Variants in GRK5 observed in about 807,000 individuals in gnomAD.
The protein encoded by GRK5 is g protein-coupled receptor kinase GRK5.
Under a neutral mutation model 78.4 loss-of-function variants are expected in GRK5, and 40 were observed. That is an observed-to-expected ratio of 0.51 (90% confidence interval 0.40 to 0.66). GRK5 has a LOEUF of 0.66. Among genes scored for constraint, GRK5 ranks in the 30% least tolerant of loss-of-function variants. The pLI is 0.00. For missense variants in GRK5, 598 were observed against 759.9 expected (o/e 0.79, Z 2.50); for synonymous variants, 289 against 296.8 (o/e 0.97, Z 0.27).
In GRK5 at chr10:119,448,181, T is replaced by C; in HGVS notation, c.1325T>C (p.Val442Ala). The change falls in exon 13 of 16, where the codon GTC becomes GCC. Residue 442 changes from valine to alanine, a missense_variant. By Grantham distance (64) the Val-to-Ala change is moderately conservative. Coordinates refer to ENST00000392870, the MANE Select transcript of GRK5 (RefSeq NM_005308.3). The stretch of plus-strand genomic sequence containing the variant: ...TGCCAGGAGGAGGGGGCTGCAGAGG[T>C]CAAGAGACACCCCTTCTTCAGGAAC... The part of the protein sequence containing the change: ...LGCQEEGAAE[V>A]KRHPFFRNMN... The C allele has an allele frequency of 6.3e-7, 1 of 1,588,988 alleles. No individual in the cohort carries two copies. The highest frequency in any genetic ancestry group is 8.5e-7 in the Non-Finnish European group (1 of 1,170,062).
chr10:119,316,348 C>G (rs574968745), intron 1 of GRK5, among the ~76,000 whole-genome samples: 2 of 152,232 alleles, frequency 1.3e-5, no homozygotes, highest in Non-Finnish European at 1.5e-5. Flanking sequence ...GGGTAGTGAG[C>G]TGGGCTGAAG....
intron 4 of GRK5, among the ~76,000 whole-genome samples, chr10:119,397,541 T>C (rs926058862): frequency 3.9e-5 from 6 of 152,192 alleles, no homozygotes; most frequent in African/African-American, 1.4e-4. Flanking sequence ...TGTGTGGGAA[T>C]AGCTTTGCGT....
intron 1 of GRK5, among the ~76,000 whole-genome samples, chr10:119,255,926 T>C (rs1001361658): frequency 3.3e-5 from 5 of 152,162 alleles, no homozygotes; most frequent in Non-Finnish European, 7.4e-5. Flanking sequence ...GGAAGGCTTC[T>C]TGGAGGAATG....
In GRK5 at chr10:119,394,390, GTGTC is replaced by G. The variant is rs1212648721; in HGVS notation, c.262-2301_262-2298del. 2.6e-4 allele frequency among the ~76,000 whole-genome samples: 17 copies of G among 66,172 alleles called. 4 individuals are homozygous for G. The highest frequency in any genetic ancestry group is 6.2e-4 in the East Asian group (1 of 1,610). 43.4% of individuals were successfully genotyped at this position (66,172 alleles called of 152,430 possible). ...TGTGTGGGTGTCGGTGTGTGTATCT[GTGTC>G]TGTGTGTGGGCATGTGTGTGGGGGT... On this transcript the variant is annotated intron_variant, in intron 3 of 15. Transcript: ENST00000392870.
intron 8 of GRK5, among the ~76,000 whole-genome samples, chr10:119,436,352 C>T (rs1852919037): frequency 6.6e-6 from 1 of 152,262 alleles, no homozygotes; most frequent in Non-Finnish European, 1.5e-5. Flanking sequence ...CACACATGTG[C>T]TTCTGTGGAG....
chr10:119,433,824 A>G (rs774440466), intron 8 of GRK5, among the ~76,000 whole-genome samples: 1 of 150,568 alleles, frequency 6.6e-6, no homozygotes, highest in Non-Finnish European at 1.5e-5. Flanking sequence ...AGAGGACTAG[A>G]CCCCCTCTCT....
At chr10:119,237,880 A>G (rs766952708) in intron 1 of GRK5, among the ~76,000 whole-genome samples, 3 of 151,982 alleles carry the variant, frequency 2.0e-5, no homozygotes, top group Non-Finnish European at 4.4e-5. Context: ...AGGAAAGACT[A>G]TTATGGGCCA....
At chr10:119,269,447 G>T (rs1849551768) in intron 1 of GRK5, among the ~76,000 whole-genome samples, 1 of 152,106 alleles carries the variant, frequency 6.6e-6, no homozygotes, top group African/African-American at 2.4e-5. Context: ...CCTGTAATGG[G>T]CTCACATTAT....
chr10:119,437,315 C>G (rs1852941456), intron 9 of GRK5, among the ~76,000 whole-genome samples: 1 of 152,086 alleles, frequency 6.6e-6, no homozygotes, highest in Non-Finnish European at 1.5e-5. Context: ...CTGGTCTTCA[C>G]CCCCTCTCCC....
intron 1 of GRK5, among the ~76,000 whole-genome samples, chr10:119,248,280 T>A (rs1849146244): frequency 1.3e-5 from 2 of 152,166 alleles, no homozygotes; most frequent in African/African-American, 4.8e-5. Context: ...CCCAAAGTGC[T>A]AGGATTATAG....
At chr10:119,400,495 A>G (rs973756671) in intron 4 of GRK5, among the ~76,000 whole-genome samples, 1 of 152,194 alleles carries the variant, frequency 6.6e-6, no homozygotes, top group African/African-American at 2.4e-5. Context: ...TGAACATTCT[A>G]GAGTGCACAT....
intron 3 of GRK5, 128 bp downstream of exon 3, chr10:119,381,055 A>C: frequency 1.7e-6 from 1 of 598,642 alleles, no homozygotes. Flanking sequence ...CAAAACTCCC[A>C]CTACAGACTT....
intron 1 of GRK5, among the ~76,000 whole-genome samples, chr10:119,281,394 C>T (rs1036412675): frequency 2.0e-5 from 3 of 152,178 alleles, no homozygotes; most frequent in Non-Finnish European, 4.4e-5. Context: ...GCAGTCTCTG[C>T]CCCGAGCTCT....
In GRK5 at chr10:119,458,677, C is replaced by CA. The variant is rs747445376; in HGVS notation, c.*3610_*3611insA. 7 of 152,206 alleles carry CA rather than the reference C, an allele frequency of 4.6e-5. No homozygotes were observed. The highest frequency in any genetic ancestry group is 1.3e-4 in the Admixed American group (2 of 15,274). 9.4% of individuals were successfully genotyped at this position (152,206 alleles called of 1,614,324 possible). A position where few individuals can be genotyped will look rare whatever the true frequency, so the allele number is the denominator to read the frequency against. ...AGTAGGATCAGAGCCCAGGTGAGCC[C>CA]CTGAGGATACCGAGGCCTTCCCTCC... On this transcript the variant is annotated 3_prime_UTR_variant, in exon 16 of 16. Transcript: ENST00000392870.
intron 1 of GRK5, among the ~76,000 whole-genome samples, chr10:119,212,260 C>T (rs947610790): frequency 2.1e-4 from 32 of 151,970 alleles, no homozygotes; most frequent in Admixed American, 4.6e-4. Context: ...AGATTTCAAA[C>T]GATGATTGTA....
chr10:119,208,100 C>A, intron 1 of GRK5, 131 bp downstream of exon 1: 1 of 778,854 alleles, frequency 1.3e-6, no homozygotes, highest in Non-Finnish European at 2.0e-6. Context: ...GAGCAGGACA[C>A]TTCGGAGAGC....
At chr10:119,278,116 A>G (rs1047267187) in intron 1 of GRK5, among the ~76,000 whole-genome samples, 2 of 152,110 alleles carry the variant, frequency 1.3e-5, no homozygotes, top group African/African-American at 2.4e-5. Context: ...GAAATTGACA[A>G]CCTGTTTTCC....
chr10:119,426,607 C>T (rs546925495), intron 6 of GRK5, among the ~76,000 whole-genome samples: 2 of 152,330 alleles, frequency 1.3e-5, no homozygotes, highest in African/African-American at 4.8e-5. Context: ...GGCAGGTGTT[C>T]CGCAAAGCTC....
At position 119,370,968 on chromosome 10, in the gene GRK5, A is replaced by AC. The variant is rs758608493; in HGVS notation, c.149-9840dup. Among the ~76,000 whole-genome samples the AC allele has an allele frequency of 4.0e-4, 33 of 82,992 alleles. No homozygotes were observed. The East Asian group carries it at 4.7e-3, about 12-fold the overall frequency. The allele number at this position is 82,992 out of a possible 152,430, so 54.4% of individuals were successfully genotyped here. A position where few individuals can be genotyped will look rare whatever the true frequency, so the allele number is the denominator to read the frequency against. On this transcript the variant is annotated intron_variant, in intron 2 of 15. Coordinates refer to ENST00000392870, the MANE Select transcript of GRK5 (RefSeq NM_005308.3). ...TCCCTTTGGACACCCCCCTCCTTCC[A>AC]CCCCCCCGCCCCACTCCAGCCTCAC...
Sources: gnomAD v4.1 joint callset for allele counts (sites outside exome capture counted in the v4.1 genomes callset) on GRCh38, gnomAD v4.1.1 for gene constraint, MANE v1.5 for transcripts, NCBI Gene and HGNC (gene_info 2026-07-23, HGNC 2026-07-21) for gene names.